The following TRAPPC9 variants were observed in gnomAD, a reference collection of about 807,000 sequenced individuals.
TRAPPC9 encodes the protein IKK2 binding protein.
A neutral mutation model predicts 124.0 loss-of-function variants in TRAPPC9; 83 were observed. That is an observed-to-expected ratio of 0.67 (90% CI 0.56 to 0.80). The LOEUF (loss-of-function observed/expected upper bound fraction) is 0.80. Ranked by LOEUF, TRAPPC9 falls within the 30% of genes least tolerant of loss-of-function variation. The pLI is 0.00. For synonymous variants in TRAPPC9, 638 were observed against 617.5 expected (o/e 1.03, Z -0.49); for missense variants, 1,302 against 1,508.3 (o/e 0.86, Z 2.27).
chr8:140,169,918 T>G (rs916249954), intron 17 of TRAPPC9, among the ~76,000 whole-genome samples: 1 of 152,052 alleles, frequency 6.6e-6, no homozygotes, highest in Admixed American at 6.6e-5. Context: ...CTGCATTTTC[T>G]GTAGAGACGG....
At chr8:140,051,796 T>A (rs977594082) in intron 17 of TRAPPC9, among the ~76,000 whole-genome samples, 2 of 152,186 alleles carry the variant, frequency 1.3e-5, no homozygotes, top group Admixed American at 6.5e-5. Context: ...GGTAAGAATA[T>A]GTGGAGAGGA....
intron 17 of TRAPPC9, among the ~76,000 whole-genome samples, chr8:140,156,669 G>A (rs1481803314): frequency 1.3e-5 from 2 of 152,200 alleles, no homozygotes; most frequent in Non-Finnish European, 2.9e-5. Context: ...AGAAACAGAA[G>A]ATGCAGCCTC....
intron 17 of TRAPPC9, among the ~76,000 whole-genome samples, chr8:140,101,243 G>A (rs1322767727): frequency 6.6e-6 from 1 of 152,022 alleles, no homozygotes; most frequent in African/African-American, 2.4e-5. Context: ...AGATTCAAGC[G>A]ATTCTCCTGC....
intron 19 of TRAPPC9, among the ~76,000 whole-genome samples, chr8:139,953,593 A>ATTT (rs1834798680): frequency 6.6e-6 from 1 of 151,930 alleles, no homozygotes; most frequent in South Asian, 2.1e-4. Flanking sequence ...AAAATTAAAA[A>ATTT]CTTCTCTGAG....
intron 6 of TRAPPC9, among the ~76,000 whole-genome samples, chr8:140,402,151 C>G (rs1244823715): frequency 6.6e-6 from 1 of 151,794 alleles, no homozygotes; most frequent in Non-Finnish European, 1.5e-5. Context: ...AGGATTGCTT[C>G]AGGCCAGGAG....
chr8:139,923,149 G>A (rs566465410), intron 19 of TRAPPC9, among the ~76,000 whole-genome samples: 4 of 151,434 alleles, frequency 2.6e-5, no homozygotes, highest in East Asian at 2.0e-4. Context: ...GAGGGACACC[G>A]TGCCTAGGTC....
At chr8:139,756,656 G>A (rs1350631036) in intron 21 of TRAPPC9, among the ~76,000 whole-genome samples, 16 of 139,786 alleles carry the variant, frequency 1.1e-4, no homozygotes, top group South Asian at 4.8e-4. Flanking sequence ...GTCGCAGGAG[G>A]AGCCAGGGAT....
At chr8:140,044,948 G>T (rs997554466) in intron 17 of TRAPPC9, among the ~76,000 whole-genome samples, 12 of 152,204 alleles carry the variant, frequency 7.9e-5, no homozygotes, top group Admixed American at 3.9e-4. Flanking sequence ...TAAGCCAAAG[G>T]TAAACTAGGA....
At chr8:139,906,424 C>T (rs1264221774) in intron 20 of TRAPPC9, among the ~76,000 whole-genome samples, 1 of 152,120 alleles carries the variant, frequency 6.6e-6, no homozygotes, top group Admixed American at 6.5e-5. Flanking sequence ...CACAGCCCTC[C>T]AGCACTCTAG....
intron 21 of TRAPPC9, among the ~76,000 whole-genome samples, chr8:139,791,826 A>G (rs1322510512): frequency 6.6e-6 from 1 of 152,212 alleles, no homozygotes; most frequent in Non-Finnish European, 1.5e-5. Context: ...GGGACAGTGC[A>G]CAGGTCACTC....
chr8:139,737,854 A>G (rs1818302146), intron 21 of TRAPPC9, among the ~76,000 whole-genome samples: 1 of 152,182 alleles, frequency 6.6e-6, no homozygotes, highest in African/African-American at 2.4e-5. Flanking sequence ...CATGGCTCCC[A>G]ACCTTCCCTG....
chr8:140,411,817 C>G (rs1588305187), intron 5 of TRAPPC9, among the ~76,000 whole-genome samples: 2 of 151,686 alleles, frequency 1.3e-5, no homozygotes, highest in Admixed American at 1.3e-4. Flanking sequence ...AATAATGATC[C>G]ATAAGTCCAT....
chr8:140,329,222 G>A (rs772866555), intron 9 of TRAPPC9, among the ~76,000 whole-genome samples: 6 of 152,162 alleles, frequency 3.9e-5, no homozygotes, highest in Non-Finnish European at 7.3e-5. Context: ...CTAGAGGTTC[G>A]AGATGAGACT....
intron 17 of TRAPPC9, among the ~76,000 whole-genome samples, chr8:140,117,939 A>T (rs752856052): frequency 6.6e-6 from 1 of 152,248 alleles, no homozygotes; most frequent in Non-Finnish European, 1.5e-5. Flanking sequence ...TTCAAAGACC[A>T]ACAGTGCATT....
chr8:139,842,973 C>A (rs1380178072), intron 21 of TRAPPC9, among the ~76,000 whole-genome samples: 1 of 152,228 alleles, frequency 6.6e-6, no homozygotes. Flanking sequence ...CTGGGCATAC[C>A]TTGCCAGATG....
intron 19 of TRAPPC9, among the ~76,000 whole-genome samples, chr8:139,924,277 C>T (rs1041340435): frequency 7.9e-5 from 12 of 152,216 alleles, no homozygotes; most frequent in African/African-American, 2.7e-4. Flanking sequence ...GCAGGCCAAG[C>T]GCTGGGCACA....
intron 17 of TRAPPC9, among the ~76,000 whole-genome samples, chr8:140,169,780 T>C (rs1273460676): frequency 6.6e-6 from 1 of 152,172 alleles, no homozygotes; most frequent in Non-Finnish European, 1.5e-5. Context: ...GATCGGCTGC[T>C]AGATGGGTAT....
intron 7 of TRAPPC9, among the ~76,000 whole-genome samples, chr8:140,393,905 A>G (rs1278691050): frequency 6.6e-6 from 1 of 152,200 alleles, no homozygotes; most frequent in African/African-American, 2.4e-5. Context: ...ACTCAAGCCA[A>G]GCGTCGTGCT....
At chr8:140,189,693 A>ATTT (rs35013030) in intron 17 of TRAPPC9, among the ~76,000 whole-genome samples, 1 of 149,690 alleles carries the variant, frequency 6.7e-6, no homozygotes, top group African/African-American at 2.5e-5. Flanking sequence ...AAGTTTCCAG[A>ATTT]TTTTTTTTTT....
Sources: gnomAD v4.1 joint callset for allele counts (sites outside exome capture counted in the v4.1 genomes callset) on GRCh38, gnomAD v4.1.1 for gene constraint, MANE v1.5 for transcripts, NCBI Gene and HGNC (gene_info 2026-07-23, HGNC 2026-07-21) for gene names.